Variants in KLHL28 observed in about 807,000 individuals in gnomAD.
KLHL28 encodes kelch like family member 28, also known as kelch-like protein 28.
In KLHL28, 22 loss-of-function variants were observed where a neutral mutation model predicts 48.3. The observed-to-expected ratio is 0.46, with a 90% CI of 0.33 to 0.65. The LOEUF (loss-of-function observed/expected upper bound fraction) is 0.65. KLHL28 is among the 30% of genes least tolerant of loss of function. The pLI is 0.03. For missense variants in KLHL28, 527 were observed against 704.3 expected (o/e 0.75, Z 2.85); for synonymous variants, 243 against 242.4 (o/e 1.00, Z -0.02).
chr14:44,944,826 TTAA>T (rs1431990746), intron 2 of KLHL28, among the ~76,000 whole-genome samples: 16 of 152,200 alleles, frequency 1.1e-4, no homozygotes, highest in African/African-American at 3.9e-4. Context: ...GGGGAGATGG[TTAA>T]TAATTGAGAG....
intron 2 of KLHL28, among the ~76,000 whole-genome samples, chr14:44,942,072 A>G (rs1272585682): frequency 6.6e-6 from 1 of 152,210 alleles, no homozygotes; most frequent in African/African-American, 2.4e-5. Flanking sequence ...ATATCCAGCT[A>G]CCATAGAATA....
rs1883376146 is a variant in KLHL28, at chr14:44,926,508, AT to A, written c.*2519del. ...TAGAATAGATGTGTTTATAATTAAAATCTTTTTTTTTTTTTGAGGTGGAGTT... is the reference window on the plus strand; with the variant it reads ...TAGAATAGATGTGTTTATAATTAAAACTTTTTTTTTTTTTGAGGTGGAGTT... On this transcript the variant is annotated 3_prime_UTR_variant, in exon 5 of 5. Coordinates refer to ENST00000396128, the MANE Select transcript of KLHL28 (RefSeq NM_017658.5). 1 of 152,156 alleles carries A rather than the reference AT, an allele frequency of 6.6e-6. No homozygotes were observed. Among genetic ancestry groups the A allele is most frequent in the Non-Finnish European group, 1.5e-5 (1 of 68,168 alleles). 9.4% of individuals were successfully genotyped at this position (152,156 alleles called of 1,614,324 possible). A position where few individuals can be genotyped will look rare whatever the true frequency, so the allele number is the denominator to read the frequency against.
chr14:44,932,006 T>C (rs1417746035), intron 3 of KLHL28, among the ~76,000 whole-genome samples: 1 of 151,852 alleles, frequency 6.6e-6, no homozygotes, highest in Non-Finnish European at 1.5e-5. Flanking sequence ...ATACAGACTT[T>C]TTTTTTTTGT....
intron 2 of KLHL28, among the ~76,000 whole-genome samples, chr14:44,943,314 G>T (rs1036667078): frequency 2.0e-5 from 3 of 152,160 alleles, no homozygotes; most frequent in Admixed American, 2.0e-4. Flanking sequence ...CATAACTAAT[G>T]TTCTATGTGT....
chr14:44,936,265 T>G (rs1363146430), intron 2 of KLHL28, among the ~76,000 whole-genome samples: 1 of 152,086 alleles, frequency 6.6e-6, no homozygotes, highest in South Asian at 2.1e-4. Context: ...GGGGATTAAT[T>G]TAACCTGGAA....
At chr14:44,960,243 T>A (rs1406070299) in intron 1 of KLHL28, among the ~76,000 whole-genome samples, 1 of 152,222 alleles carries the variant, frequency 6.6e-6, no homozygotes, top group Admixed American at 6.5e-5. Context: ...CATTTAAGAC[T>A]TTCGAAGTTC....
chr14:44,941,145 T>A (rs1435690446), intron 2 of KLHL28, among the ~76,000 whole-genome samples: 4 of 151,652 alleles, frequency 2.6e-5, no homozygotes. Flanking sequence ...AAAACTCATG[T>A]CTCTCTCTTC....
chr14:44,942,045 C>T (rs1884120912), intron 2 of KLHL28, among the ~76,000 whole-genome samples: 1 of 152,208 alleles, frequency 6.6e-6, no homozygotes, highest in Non-Finnish European at 1.5e-5. Flanking sequence ...CTGAGCTCTT[C>T]TTTGAGCTGT....
intron 1 of KLHL28, among the ~76,000 whole-genome samples, chr14:44,950,776 CA>C (rs562976415): frequency 4.3e-4 from 66 of 152,262 alleles, no homozygotes; most frequent in African/African-American, 1.5e-3. Flanking sequence ...CATAAGCACT[CA>C]GTAATTGGTA....
rs752033792 is a variant in KLHL28, at chr14:44,931,553, TA to T, written c.1344-13del. The T allele has an allele frequency of 3.8e-6, 6 of 1,590,614 alleles. No individual in the cohort carries two copies. The highest frequency in any genetic ancestry group is 2.7e-5 in the African/African-American group (2 of 73,802). ...CATAACGCTCCACACTGCAAATATT[TA>T]AAAAAAATTTAATTTACAGATCTTT... On this transcript the variant is annotated splice_polypyrimidine_tract_variant and intron_variant, in intron 3 of 4. Coordinates refer to ENST00000396128, the MANE Select transcript of KLHL28 (RefSeq NM_017658.5).
chr14:44,934,146 T>C lies in KLHL28; in HGVS notation c.1312A>G (p.Ile438Val). The C allele has an allele frequency of 1.2e-6, 2 of 1,613,998 alleles. No homozygotes were observed. The highest frequency in any genetic ancestry group is 1.1e-5 in the South Asian group (1 of 91,060). Residue 438 changes from isoleucine (I) to valine (V), a missense_variant, in exon 3 of 5, where the codon ATT (isoleucine) becomes GTT (valine). Transcript: ENST00000396128. Reference sequence around the variant, plus strand: ...ATGTGGGCAGGACCATACCCACCAATGGCATATATCATTCCATCCAATACC... The same window carrying C: ...ATGTGGGCAGGACCATACCCACCAACGGCATATATCATTCCATCCAATACC... ...AAVLDGMIYA[I>V]GGYGPAHMNS...
At chr14:44,958,388 A>T (rs1268692682) in intron 1 of KLHL28, among the ~76,000 whole-genome samples, 2 of 151,356 alleles carry the variant, frequency 1.3e-5, no homozygotes, top group Admixed American at 1.3e-4. Context: ...AATCAAGATT[A>T]CTCTTAAAAA....
At chr14:44,944,286 T>A (rs1884229240) in intron 2 of KLHL28, among the ~76,000 whole-genome samples, 1 of 152,218 alleles carries the variant, frequency 6.6e-6, no homozygotes, top group Non-Finnish European at 1.5e-5. Context: ...CACTAGCTAT[T>A]TTTATAAATA....
chr14:44,940,469 T>G (rs555232472), intron 2 of KLHL28, among the ~76,000 whole-genome samples: 1 of 152,308 alleles, frequency 6.6e-6, no homozygotes, highest in Admixed American at 6.5e-5. Flanking sequence ...AAAAAATGCT[T>G]TCAATGTATT....
intron 2 of KLHL28, among the ~76,000 whole-genome samples, chr14:44,938,566 T>G (rs2138605571): frequency 6.6e-6 from 1 of 152,232 alleles, no homozygotes; most frequent in Non-Finnish European, 1.5e-5. Flanking sequence ...GAGATGGGGT[T>G]TCACTGTGTT....
chr14:44,929,142 G>A lies in KLHL28; in HGVS notation c.1602C>T (p.His534=). The A allele has an allele frequency of 6.2e-7, 1 of 1,613,278 alleles. No homozygotes were observed. Among genetic ancestry groups the A allele is most frequent in the Non-Finnish European group, 8.5e-7 (1 of 1,179,576 alleles). ...CTGTATTCAGATAGGAAGACCCTGA[G>A]TGACCACCGACGACATAAAGGTAGT... ...IDNYLYVVGG[H]SGSSYLNTVQ... is the part of the protein sequence containing the mutation. Residue 534 remains histidine (H), a synonymous_variant, in exon 5 of 5, where the codon CAC becomes CAT. Coordinates refer to ENST00000396128, the MANE Select transcript of KLHL28 (RefSeq NM_017658.5).
chr14:44,961,020 C>T (rs892845776), intron 1 of KLHL28: 13 of 729,020 alleles, frequency 1.8e-5, no homozygotes, highest in Admixed American at 7.0e-5. Context: ...AATATCTCTT[C>T]CACACTCCAA....
rs79367070 is a variant in KLHL28 at position 44,948,854 on chromosome 14, G to A, written c.1-2926C>T. The stretch of plus-strand genomic sequence containing the variant: ...GATCAAAAATTAACTTTACCTGGAC[G>A]TCTATAAGCATTTATTTACTATATC... On this transcript the variant is annotated intron_variant, in intron 1 of 4. Transcript: ENST00000396128. Among the ~76,000 whole-genome samples the A allele has an allele frequency of 4.9e-4, 74 of 152,106 alleles. No homozygotes were observed. In the East Asian group the frequency reaches 0.012, roughly 25 times the overall value.
In KLHL28 at chr14:44,927,677, T is replaced by C. The variant is rs576627822; in HGVS notation, c.*1351A>G. 2 of 152,758 alleles carry C rather than the reference T, an allele frequency of 1.3e-5. No homozygotes were observed. The highest frequency in any genetic ancestry group is 2.1e-4 in the South Asian group (1 of 4,828). 9.5% of individuals were successfully genotyped at this position (152,758 alleles called of 1,614,324 possible). A position where few individuals can be genotyped will look rare whatever the true frequency, so the allele number is the denominator to read the frequency against. On this transcript the variant is annotated 3_prime_UTR_variant, in exon 5 of 5. Coordinates refer to ENST00000396128, the MANE Select transcript of KLHL28 (RefSeq NM_017658.5). The stretch of plus-strand genomic sequence containing the variant: ...ATTTTGCTTTAAAAGATCATTTCTT[T>C]AATCAAAGTAGAACTCAACTTAGAA...
Sources: allele counts gnomAD v4.1 joint callset (sites outside exome capture counted in the v4.1 genomes callset), GRCh38; gene constraint gnomAD v4.1.1; transcripts MANE v1.5; gene names NCBI Gene and HGNC (gene_info 2026-07-23, HGNC 2026-07-21).